The following TACR3 variants were observed in gnomAD, a reference collection of about 807,000 sequenced individuals.
The protein encoded by TACR3 is tachykinin receptor 3, also known as neuromedin-K receptor.
A neutral mutation model predicts 35.0 loss-of-function variants in TACR3; 34 were observed. That is an observed-to-expected ratio of 0.97 (90% CI 0.74 to 1.30). The LOEUF (loss-of-function observed/expected upper bound fraction) is 1.30. Among genes scored for constraint, TACR3 ranks in the 50% most tolerant of loss-of-function variants. TACR3 has a pLI of 0.00. For missense variants in TACR3, 558 were observed against 591.7 expected, an observed-to-expected ratio of 0.94 and a Z score of 0.59; for synonymous variants, 233 against 221.1, an observed-to-expected ratio of 1.05 and a Z score of -0.48.
At chr4:103,601,855 T>G (rs563344410) in intron 3 of TACR3, among the ~76,000 whole-genome samples, 8 of 152,316 alleles carry the variant, frequency 5.3e-5, no homozygotes, top group African/African-American at 1.7e-4. Context: ...AATCTGACAA[T>G]TATGTGTCTT....
chr4:103,692,432 T>A (rs1041175425), intron 1 of TACR3, among the ~76,000 whole-genome samples: 1 of 152,120 alleles, frequency 6.6e-6, no homozygotes, highest in Non-Finnish European at 1.5e-5. Flanking sequence ...AGAATTAAGA[T>A]GAGAAATAAT....
chr4:103,680,514 T>TAC (rs1271713871), intron 1 of TACR3, among the ~76,000 whole-genome samples: 2 of 147,512 alleles, frequency 1.4e-5, no homozygotes, highest in African/African-American at 5.0e-5. Flanking sequence ...CACACACACA[T>TAC]ATATATATAC....
At chr4:103,701,370 C>A (rs1377221012) in intron 1 of TACR3, among the ~76,000 whole-genome samples, 8 of 151,612 alleles carry the variant, frequency 5.3e-5, no homozygotes, top group African/African-American at 1.9e-4. Context: ...TCAAGGAGAA[C>A]TACAAACCAC....
chr4:103,640,595 A>T (rs763055287), intron 3 of TACR3, among the ~76,000 whole-genome samples: 5 of 151,768 alleles, frequency 3.3e-5, no homozygotes, highest in African/African-American at 4.8e-5. Flanking sequence ...TGGTTTACAA[A>T]TTTTTTCTCC....
intron 3 of TACR3, among the ~76,000 whole-genome samples, chr4:103,635,345 C>T (rs966860650): frequency 1.3e-5 from 2 of 151,780 alleles, no homozygotes; most frequent in South Asian, 2.1e-4. Context: ...AAGAATATAG[C>T]GACTGGAGTC....
intron 1 of TACR3, among the ~76,000 whole-genome samples, chr4:103,711,446 C>T (rs758718925): frequency 1.4e-4 from 21 of 152,320 alleles, no homozygotes; most frequent in South Asian, 1.0e-3. Context: ...TTCAACAACA[C>T]TTCATGCTAA....
rs1723825460 is a variant in TACR3 at position 103,588,494 on chromosome 4, T to C, written c.*1188A>G. 1 of 152,162 alleles carries C rather than the reference T, an allele frequency of 6.6e-6. No homozygotes were observed. The highest frequency in any genetic ancestry group is 6.6e-5 in the Admixed American group (1 of 15,258). 9.4% of individuals were successfully genotyped at this position (152,162 alleles called of 1,614,324 possible). ...AGTAAATGTGATGCTTTCTTAGGAC[T>C]ATTATCTCATTTCTTTCTGGTAAGA... On this transcript the variant is annotated 3_prime_UTR_variant, in exon 5 of 5. Transcript: ENST00000304883.
chr4:103,702,758 G>T (rs1015972594), intron 1 of TACR3, among the ~76,000 whole-genome samples: 7 of 151,890 alleles, frequency 4.6e-5, no homozygotes, highest in Non-Finnish European at 8.8e-5. Context: ...GTAGGGACAT[G>T]GATGAAGCTG....
chr4:103,715,939 TA>T (rs1174899191), intron 1 of TACR3, among the ~76,000 whole-genome samples: 1 of 152,158 alleles, frequency 6.6e-6, no homozygotes, highest in East Asian at 1.9e-4. Flanking sequence ...CAGTTTAAAC[TA>T]GTACTAAATT....
chr4:103,709,342 G>A (rs898781461), intron 1 of TACR3, among the ~76,000 whole-genome samples: 1 of 152,026 alleles, frequency 6.6e-6, no homozygotes, highest in African/African-American at 2.4e-5. Flanking sequence ...AGAGAGTGGG[G>A]GCCAATATTC....
At chr4:103,697,713 T>C (rs1722554851) in intron 1 of TACR3, among the ~76,000 whole-genome samples, 1 of 152,126 alleles carries the variant, frequency 6.6e-6, no homozygotes, top group Non-Finnish European at 1.5e-5. Flanking sequence ...CATGAGCCAC[T>C]GCGCCCAGCC....
intron 3 of TACR3, among the ~76,000 whole-genome samples, chr4:103,643,207 A>G (rs376281004): frequency 1.3e-5 from 2 of 151,894 alleles, no homozygotes; most frequent in East Asian, 1.9e-4. Context: ...AAACTTATTC[A>G]TTTGTTTGTA....
At chr4:103,705,787 C>A (rs1722774364) in intron 1 of TACR3, among the ~76,000 whole-genome samples, 1 of 152,128 alleles carries the variant, frequency 6.6e-6, no homozygotes, top group African/African-American at 2.4e-5. Flanking sequence ...AAGATAGGAT[C>A]ATCCATTTAT....
intron 3 of TACR3, among the ~76,000 whole-genome samples, chr4:103,644,912 G>T (rs866838458): frequency 7.3e-5 from 11 of 151,326 alleles, no homozygotes; most frequent in African/African-American, 1.2e-4. Flanking sequence ...AATGAGAGAG[G>T]GACACAAAAA....
At chr4:103,608,706 G>A (rs377147413) in intron 3 of TACR3, among the ~76,000 whole-genome samples, 1 of 152,104 alleles carries the variant, frequency 6.6e-6, no homozygotes, top group Non-Finnish European at 1.5e-5. Context: ...AAGTACAACC[G>A]AAGGCTTATG....
At chr4:103,632,549 G>C (rs747741066) in intron 3 of TACR3, among the ~76,000 whole-genome samples, 8 of 151,294 alleles carry the variant, frequency 5.3e-5, no homozygotes, top group Admixed American at 4.6e-4. Context: ...TGGGTGGGGG[G>C]TGAGGGGAGG....
At chr4:103,711,817 T>C (rs1201474833) in intron 1 of TACR3, among the ~76,000 whole-genome samples, 1 of 152,192 alleles carries the variant, frequency 6.6e-6, no homozygotes, top group Non-Finnish European at 1.5e-5. Flanking sequence ...AAAATCGATG[T>C]GCAAAAATCA....
At chr4:103,675,149 T>A (rs1396483360) in intron 1 of TACR3, among the ~76,000 whole-genome samples, 3 of 152,186 alleles carry the variant, frequency 2.0e-5, no homozygotes, top group African/African-American at 4.8e-5. Context: ...GTCTTATGCA[T>A]CCAATTTCTG....
At chr4:103,689,566 A>T (rs77872992) in intron 1 of TACR3, among the ~76,000 whole-genome samples, 23,072 of 152,090 alleles carry the variant, frequency 0.15, 2,276 homozygotes, top group East Asian at 0.43. Flanking sequence ...AAACCTCTAA[A>T]TATTTTTAAG....
Sources: gnomAD v4.1 joint callset for allele counts (sites outside exome capture counted in the v4.1 genomes callset) on GRCh38, gnomAD v4.1.1 for gene constraint, MANE v1.5 for transcripts, NCBI Gene and HGNC (gene_info 2026-07-23, HGNC 2026-07-21) for gene names.